CCNQ: variants seen among roughly 807,000 people sequenced by gnomAD.
CCNQ encodes the protein cyclin Q.
Under a neutral mutation model 17.7 loss-of-function variants are expected in CCNQ, and 3 were observed. The ratio of observed to expected loss-of-function variants is 0.17; its 90% confidence interval spans 0.08 to 0.44. The LOEUF is 0.44. Among genes scored for constraint, CCNQ ranks in the 20% least tolerant of loss-of-function variants. The pLI, the probability that CCNQ is intolerant of heterozygous loss-of-function variation, is 0.99. For missense variants in CCNQ, 146 were observed against 222.6 expected (o/e 0.66, Z 2.19); for synonymous variants, 73 against 96.0 (o/e 0.76, Z 1.40).
Position 153,599,021 on chromosome X carries a change from C to T in CCNQ, c.53G>A (p.Gly18Glu), listed in dbSNP as rs2091048251. Residue 18 changes from glycine to glutamate, a missense_variant, in exon 1 of 5, where the codon GGG (glycine) becomes GAG (glutamate). Transcript: ENST00000576892. ...GGGPAARGPEGQPAPEARVHF... is the reference protein window; with the variant it reads ...GGGPAARGPEEQPAPEARVHF... ...CACCCTGGCTTCGGGCGCCGGCTGC[C>T]CCTCCGGGCCCCGCGCTGCAGGCCC... The T allele has an allele frequency of 1.8e-6, 2 of 1,113,827 alleles. No homozygotes were observed. The highest frequency in any genetic ancestry group is 2.4e-6 in the Non-Finnish European group (2 of 850,203). The allele number at this position is 1,113,827 out of a possible 1,213,427, so 91.8% of individuals were successfully genotyped here. A position where few individuals can be genotyped will look rare whatever the true frequency, so the allele number is the denominator to read the frequency against.
In CCNQ at chrX:153,592,569, C is replaced by T; in HGVS notation, c.594G>A (p.Leu198=). The part of the protein sequence containing the change: ...AQHIAVAVLY[L]ALQVYGVEVP... ...CCTCAACTCCGTAGACCTGCAGGGC[C>T]AGGTAGAGCACCGCCACGGCGATGT... Residue 198 remains leucine, a synonymous_variant, in exon 4 of 5, where the codon CTG becomes CTA. Coordinates refer to ENST00000576892, the MANE Select transcript of CCNQ (RefSeq NM_152274.5). 7.4e-6 allele frequency: 9 copies of T among 1,212,027 alleles called. No homozygotes were observed. Among genetic ancestry groups the T allele is most frequent in the Non-Finnish European group, 1.0e-5 (9 of 895,505 alleles).
rs59053078 is a variant in CCNQ at position 153,590,231 on chromosome X, TAAAAAAAA to T, written c.658-1785_658-1778del. On this transcript the variant is annotated intron_variant, in intron 4 of 4. Coordinates refer to ENST00000576892, the MANE Select transcript of CCNQ (RefSeq NM_152274.5). ...CAATAGAGTGAGACTCTGTCTCTATTAAAAAAAAAAAAAAAAAAAAAAAAAAGCAAGGC... is the reference window on the plus strand; with the variant it reads ...CAATAGAGTGAGACTCTGTCTCTATTAAAAAAAAAAAAAAAAAAGCAAGGC... Among the ~76,000 whole-genome samples, 77 of 26,449 alleles carry T rather than the reference TAAAAAAAA, an allele frequency of 2.9e-3. 2 individuals carry two copies. Among genetic ancestry groups the T allele is most frequent in the Non-Finnish European group, 2.4e-3 (41 of 16,959 alleles). 23.0% of individuals were successfully genotyped at this position (26,449 alleles called of 115,157 possible). A position where few individuals can be genotyped will look rare whatever the true frequency, so the allele number is the denominator to read the frequency against.
At chrX:153,592,478 C>A in intron 4 of CCNQ, 28 bp downstream of exon 4, 1 of 1,185,716 alleles carries the variant, frequency 8.4e-7, no homozygotes, top group Non-Finnish European at 1.1e-6. Flanking sequence ...AAAGGGGGCA[C>A]GTCCAGTGTG....
At chrX:153,590,578 G>A (rs187434690) in intron 4 of CCNQ, among the ~76,000 whole-genome samples, 4 of 112,093 alleles carry the variant, frequency 3.6e-5, no homozygotes, top group Admixed American at 1.9e-4. Flanking sequence ...CAATTTCTGC[G>A]GCTGGATGGT....
rs2091026000 is a variant in CCNQ, at chrX:153,596,060, G to A, written c.240C>T (p.Ala80=). 2 of 1,212,116 alleles carry A rather than the reference G, an allele frequency of 1.7e-6. No individual in the cohort carries two copies. Among genetic ancestry groups the A allele is most frequent in the South Asian group, 1.8e-5 (1 of 57,019 alleles). The change falls in exon 2 of 5, where the codon GCC becomes GCT. Residue 80 remains alanine, a synonymous_variant. Transcript: ENST00000576892. ...GCAGGTGCTGCTCTTCCACTTTGCC[G>A]GCCAAGTAAATTGAAGACATGGCAA... The part of the protein sequence containing the change: ...YLIAMSSIYL[A]GKVEEQHLRT...
chrX:153,594,490 A>G (rs1557026498), intron 3 of CCNQ, 57 bp downstream of exon 3: 5 of 1,192,918 alleles, frequency 4.2e-6, no homozygotes, highest in Non-Finnish European at 5.7e-6. Context: ...TTTGGGATAA[A>G]GAACAGAGAC....
chrX:153,593,832 G>A (rs2091008554), intron 3 of CCNQ, among the ~76,000 whole-genome samples: 1 of 112,109 alleles, frequency 8.9e-6, no homozygotes, highest in Non-Finnish European at 1.9e-5. Flanking sequence ...TGGGCTAAGG[G>A]TACATGTCAC....
At position 153,588,013 on chromosome X, in the gene CCNQ, G is replaced by T. The variant is rs1012256196; in HGVS notation, c.*352C>A. On this transcript the variant is annotated 3_prime_UTR_variant, in exon 5 of 5. Coordinates refer to ENST00000576892, the MANE Select transcript of CCNQ (RefSeq NM_152274.5). ...TACAAATCTGGCTTTTAAGAAATCC[G>T]TAGGGATTCAGTCTCATCGATTTCA... The T allele has an allele frequency of 2.7e-6, 1 of 365,400 alleles. No individual in the cohort carries two copies. Among genetic ancestry groups the T allele is most frequent in the Non-Finnish European group, 4.9e-6 (1 of 204,110 alleles). The allele number at this position is 365,400 out of a possible 1,213,427, so 30.1% of individuals were successfully genotyped here.
intron 2 of CCNQ, among the ~76,000 whole-genome samples, chrX:153,595,696 T>G (rs1557026849): frequency 7.1e-5 from 8 of 112,406 alleles, no homozygotes; most frequent in African/African-American, 2.6e-4. Flanking sequence ...GTCTAAGACT[T>G]CCACAGAATC....
chrX:153,593,452 A>C (rs1216925472), intron 3 of CCNQ, among the ~76,000 whole-genome samples: 1 of 109,216 alleles, frequency 9.2e-6, no homozygotes, highest in African/African-American at 3.4e-5. Flanking sequence ...TTGAGGTCTG[A>C]GTGCTGCTCT....
At chrX:153,589,281 C>T (rs1251558560) in intron 4 of CCNQ, among the ~76,000 whole-genome samples, 1 of 112,839 alleles carries the variant, frequency 8.9e-6, no homozygotes, top group East Asian at 2.8e-4. Context: ...AAACCCTGGC[C>T]GCCATGGCTG....
At chrX:153,593,158 C>T (rs1326285489) in intron 3 of CCNQ, among the ~76,000 whole-genome samples, 4 of 112,826 alleles carry the variant, frequency 3.5e-5, no homozygotes, top group Non-Finnish European at 1.9e-5. Context: ...CTGCCAAGGG[C>T]ACATGCTGTC....
At chrX:153,589,420 G>A (rs782368231) in intron 4 of CCNQ, among the ~76,000 whole-genome samples, 1 of 113,149 alleles carries the variant, frequency 8.8e-6, no homozygotes, top group South Asian at 3.6e-4. Context: ...CCTGGAGCCC[G>A]CCCTGTGCGC....
chrX:153,587,990 C>A lies in CCNQ; in HGVS notation c.*375G>T. The A allele has an allele frequency of 3.0e-6, 1 of 333,850 alleles. No homozygotes were observed. The highest frequency in any genetic ancestry group is 5.4e-6 in the Non-Finnish European group (1 of 185,226). The allele number at this position is 333,850 out of a possible 1,213,427, so 27.5% of individuals were successfully genotyped here. ...CCACGTTGCACATTCATTCTCCCTA[C>A]AAATCTGGCTTTTAAGAAATCCGTA... is the stretch of plus-strand genomic sequence containing the variant. On this transcript the variant is annotated 3_prime_UTR_variant, in exon 5 of 5. Transcript: ENST00000576892.
At chrX:153,594,190 C>A (rs2091011107) in intron 3 of CCNQ, among the ~76,000 whole-genome samples, 1 of 112,696 alleles carries the variant, frequency 8.9e-6, no homozygotes, top group Non-Finnish European at 1.9e-5. Context: ...GGGACGGGGA[C>A]TCTGGCCGGT....
At position 153,596,068 on chromosome X, in the gene CCNQ, A is replaced by C. The variant is rs781801497; in HGVS notation, c.232T>G (p.Tyr78Asp). 8.2e-7 allele frequency: 1 copy of C among 1,212,264 alleles called. No homozygotes were observed. The highest frequency in any genetic ancestry group is 1.1e-6 in the Non-Finnish European group (1 of 895,593). ...TGCTCTTCCACTTTGCCGGCCAAGTAAATTGAAGACATGGCAATCAGGTAA... is the reference window on the plus strand; with the variant it reads ...TGCTCTTCCACTTTGCCGGCCAAGTCAATTGAAGACATGGCAATCAGGTAA... ...DPYLIAMSSI[Y>D]LAGKVEEQHL... The change falls in exon 2 of 5, where the codon TAC (tyrosine) becomes GAC (aspartate). Residue 78 changes from tyrosine (Y) to aspartate (D), a missense_variant. Physicochemically the swap from Tyr to Asp is radical, Grantham distance 160. Transcript: ENST00000576892.
intron 1 of CCNQ, among the ~76,000 whole-genome samples, chrX:153,598,621 G>A (rs1227878071): frequency 4.4e-5 from 5 of 113,257 alleles, no homozygotes; most frequent in Admixed American, 3.7e-4. Context: ...GCGCGACTAA[G>A]CGCCATAAAG....
chrX:153,596,423 G>A (rs1222031591), intron 1 of CCNQ, among the ~76,000 whole-genome samples: 7 of 112,010 alleles, frequency 6.2e-5, no homozygotes, highest in Admixed American at 5.7e-4. Context: ...GTAGGTCTGC[G>A]GCTCTGAGAT....
At chrX:153,590,095 G>T (rs1557025429) in intron 4 of CCNQ, among the ~76,000 whole-genome samples, 1 of 108,667 alleles carries the variant, frequency 9.2e-6, no homozygotes, top group Non-Finnish European at 1.9e-5. Flanking sequence ...AGGTGTGGTG[G>T]CAGGCACTTG....
Sources: allele counts gnomAD v4.1 joint callset (sites outside exome capture counted in the v4.1 genomes callset), GRCh38; gene constraint gnomAD v4.1.1; transcripts MANE v1.5; gene names NCBI Gene and HGNC (gene_info 2026-07-23, HGNC 2026-07-21).